Variants in LUZP2 observed in about 807,000 individuals in gnomAD.
The protein encoded by LUZP2 is leucine zipper protein 2.
A neutral mutation model predicts 51.6 loss-of-function variants in LUZP2; 52 were observed. The ratio of observed to expected loss-of-function variants is 1.01; its 90% CI spans 0.81 to 1.27. The LOEUF is 1.27. Ranked by LOEUF, LUZP2 falls within the 50% of genes most tolerant of loss-of-function variation. The pLI is 0.00. For missense variants in LUZP2, 436 were observed against 395.4 expected (o/e 1.10, Z -0.87); for synonymous variants, 154 against 137.3 (o/e 1.12, Z -0.85).
At chr11:24,972,124 G>A (rs944868508) in intron 7 of LUZP2, among the ~76,000 whole-genome samples, 1 of 127,116 alleles carries the variant, frequency 7.9e-6, no homozygotes, top group South Asian at 2.9e-4. Flanking sequence ...CTGGGTGACA[G>A]CGGAGTGAGA....
intron 1 of LUZP2, among the ~76,000 whole-genome samples, chr11:24,568,249 A>G (rs4609599): frequency 0.35 from 53,111 of 151,626 alleles, 9,868 homozygotes; most frequent in East Asian, 0.61. Context: ...AATCCCAGCT[A>G]CTCGAGAGGC....
At chr11:25,041,308 G>T (rs1008123725) in intron 9 of LUZP2, among the ~76,000 whole-genome samples, 1 of 151,980 alleles carries the variant, frequency 6.6e-6, no homozygotes, top group Non-Finnish European at 1.5e-5. Context: ...TAATAAAATA[G>T]AACAATTAAA....
At chr11:24,773,088 T>A (rs1019097859) in intron 5 of LUZP2, among the ~76,000 whole-genome samples, 1 of 152,072 alleles carries the variant, frequency 6.6e-6, no homozygotes, top group Non-Finnish European at 1.5e-5. Flanking sequence ...GTAGTTTTTT[T>A]TTTTTTTTGA....
intron 5 of LUZP2, among the ~76,000 whole-genome samples, chr11:24,871,717 C>T (rs1459568012): frequency 1.3e-5 from 2 of 151,726 alleles, no homozygotes; most frequent in South Asian, 2.1e-4. Context: ...GCCAGTATTC[C>T]CTATAAACTA....
intron 5 of LUZP2, among the ~76,000 whole-genome samples, chr11:24,836,673 T>C (rs902625949): frequency 6.6e-5 from 10 of 151,900 alleles, no homozygotes; most frequent in Admixed American, 3.9e-4. Flanking sequence ...ACAAGGGAAC[T>C]GATTTGTAAT....
intron 1 of LUZP2, among the ~76,000 whole-genome samples, chr11:24,677,050 G>A (rs1856581387): frequency 6.6e-6 from 1 of 152,204 alleles, no homozygotes; most frequent in Non-Finnish European, 1.5e-5. Flanking sequence ...GTGAATATAA[G>A]CAAGGGACTA....
At chr11:24,950,018 C>G (rs1346646985) in intron 7 of LUZP2, among the ~76,000 whole-genome samples, 3 of 134,124 alleles carry the variant, frequency 2.2e-5, no homozygotes, top group Non-Finnish European at 3.1e-5. Flanking sequence ...GGCTAAATTA[C>G]TAGGAGGGGC....
At chr11:24,858,124 A>G (rs939192144) in intron 5 of LUZP2, among the ~76,000 whole-genome samples, 3 of 152,102 alleles carry the variant, frequency 2.0e-5, no homozygotes, top group African/African-American at 7.2e-5. Context: ...ACAAACTTTC[A>G]CATATGCTGT....
intron 1 of LUZP2, among the ~76,000 whole-genome samples, chr11:24,581,934 G>A (rs557582916): frequency 6.6e-6 from 1 of 152,140 alleles, no homozygotes; most frequent in East Asian, 1.9e-4. Flanking sequence ...CTTGGGCTTT[G>A]TTCAGCTTGA....
At chr11:24,514,049 C>T (rs961591342) in intron 1 of LUZP2, among the ~76,000 whole-genome samples, 1 of 152,100 alleles carries the variant, frequency 6.6e-6, no homozygotes, top group African/African-American at 2.4e-5. Flanking sequence ...ACAAGCAGAC[C>T]TCTGGAAAAT....
At chr11:24,653,106 A>C (rs983916568) in intron 1 of LUZP2, among the ~76,000 whole-genome samples, 1 of 152,132 alleles carries the variant, frequency 6.6e-6, no homozygotes, top group African/African-American at 2.4e-5. Context: ...GATGGTAAGC[A>C]CTTATCTGAG....
intron 5 of LUZP2, among the ~76,000 whole-genome samples, chr11:24,816,052 ATTGGTGACT>A (rs1850173090): frequency 6.6e-6 from 1 of 150,508 alleles, no homozygotes; most frequent in African/African-American, 2.4e-5. Flanking sequence ...CTTTTGCATG[ATTGGTGACT>A]TATGTAAACT....
At chr11:24,790,876 C>T (rs1849386518) in intron 5 of LUZP2, among the ~76,000 whole-genome samples, 1 of 152,172 alleles carries the variant, frequency 6.6e-6, no homozygotes, top group African/African-American at 2.4e-5. Flanking sequence ...TTCCAGACCT[C>T]AGTCTTCAAA....
intron 7 of LUZP2, among the ~76,000 whole-genome samples, chr11:24,951,045 T>A (rs574347413): frequency 2.6e-5 from 4 of 151,786 alleles, no homozygotes; most frequent in Non-Finnish European, 5.9e-5. Flanking sequence ...AAGATATAAG[T>A]TTCATGTCTC....
rs751654796 is a variant in LUZP2, at chr11:24,515,851, C to T, written c.62+18546C>T. Among the ~76,000 whole-genome samples, 79 of 152,180 alleles carry T rather than the reference C, an allele frequency of 5.2e-4. 1 individual carries two copies. The highest frequency in any genetic ancestry group is 9.1e-4 in the Non-Finnish European group (62 of 68,024). On this transcript the variant is annotated intron_variant, in intron 1 of 11. Transcript: ENST00000336930. ...GTACAACCTGTGCTCCAGAGCTCCC[C>T]TAGGGACTGGGTAAAGCTATTCTGC...
chr11:24,717,509 G>T (rs1474277486), intron 1 of LUZP2, among the ~76,000 whole-genome samples: 1 of 149,730 alleles, frequency 6.7e-6, no homozygotes, highest in African/African-American at 2.5e-5. Context: ...CCGAGTTCAC[G>T]CCATTCTCCT....
intron 1 of LUZP2, among the ~76,000 whole-genome samples, chr11:24,577,253 C>T (rs1376878547): frequency 6.6e-6 from 1 of 151,938 alleles, no homozygotes; most frequent in East Asian, 1.9e-4. Flanking sequence ...TTATATTACT[C>T]ATATTTTTTT....
chr11:24,528,271 A>T (rs61006198), intron 1 of LUZP2, among the ~76,000 whole-genome samples: 2,997 of 147,342 alleles, frequency 0.02, 99 homozygotes, highest in African/African-American at 0.07. Flanking sequence ...GCACTGGTTT[A>T]AAAAAAAAAG....
chr11:24,851,820 T>G (rs1851403384), intron 5 of LUZP2, among the ~76,000 whole-genome samples: 1 of 152,214 alleles, frequency 6.6e-6, no homozygotes, highest in Non-Finnish European at 1.5e-5. Context: ...ATTCAGGGAT[T>G]TGACTTCTTC....
Sources: allele counts gnomAD v4.1 joint callset (sites outside exome capture counted in the v4.1 genomes callset), GRCh38; gene constraint gnomAD v4.1.1; transcripts MANE v1.5; gene names NCBI Gene and HGNC (gene_info 2026-07-23, HGNC 2026-07-21).